Variants in DPP10 observed in about 807,000 individuals in gnomAD.
DPP10 encodes the protein inactive dipeptidyl peptidase 10.
In DPP10, 33 loss-of-function variants were observed where a neutral mutation model predicts 120.9. The observed-to-expected ratio is 0.27, with a 90% CI of 0.21 to 0.37. The LOEUF (loss-of-function observed/expected upper bound fraction) is 0.37. DPP10 is among the 10% of genes least tolerant of loss of function. The pLI is 1.00. For missense variants in DPP10, 816 were observed against 942.8 expected, an observed-to-expected ratio of 0.87 and a Z score of 1.76; for synonymous variants, 337 against 326.1, an observed-to-expected ratio of 1.03 and a Z score of -0.36.
intron 1 of DPP10, among the ~76,000 whole-genome samples, chr2:114,939,882 G>T (rs1052312286): frequency 1.3e-5 from 2 of 152,000 alleles, no homozygotes; most frequent in Non-Finnish European, 2.9e-5. Flanking sequence ...ATTTCAGTTT[G>T]TATATCTTAT....
chr2:114,684,432 G>A (rs925189628), intron 1 of DPP10, among the ~76,000 whole-genome samples: 2 of 151,914 alleles, frequency 1.3e-5, no homozygotes, highest in African/African-American at 2.4e-5. Flanking sequence ...GACAAAAGGG[G>A]AAAAAACAGG....
At chr2:114,501,821 C>T (rs548221078) in intron 1 of DPP10, among the ~76,000 whole-genome samples, 3 of 152,020 alleles carry the variant, frequency 2.0e-5, no homozygotes, top group African/African-American at 2.4e-5. Context: ...AGTACGTATT[C>T]AGTCCTAAAG....
intron 3 of DPP10, among the ~76,000 whole-genome samples, chr2:115,345,128 G>A (rs1026382292): frequency 6.6e-6 from 1 of 152,294 alleles, no homozygotes; most frequent in African/African-American, 2.4e-5. Context: ...TAATTGATGT[G>A]CAGTCTCATT....
intron 1 of DPP10, among the ~76,000 whole-genome samples, chr2:115,277,882 T>G (rs1326120256): frequency 6.6e-6 from 1 of 152,182 alleles, no homozygotes; most frequent in East Asian, 1.9e-4. Flanking sequence ...TTATCTAACT[T>G]CTACTGTTAA....
chr2:114,881,731 G>C (rs1189817540), intron 1 of DPP10, among the ~76,000 whole-genome samples: 3 of 152,088 alleles, frequency 2.0e-5, no homozygotes, highest in Non-Finnish European at 4.4e-5. Flanking sequence ...GGTCACATTA[G>C]ATTATAGAGA....
At chr2:115,592,600 A>C (rs201482951) in intron 5 of DPP10, among the ~76,000 whole-genome samples, 122 of 132,814 alleles carry the variant, frequency 9.2e-4, no homozygotes, top group Admixed American at 4.1e-3. Context: ...AAAAAAAAAA[A>C]CAAAAATTAG....
intron 1 of DPP10, among the ~76,000 whole-genome samples, chr2:114,824,709 A>C (rs952374057): frequency 6.6e-6 from 1 of 152,222 alleles, no homozygotes; most frequent in Non-Finnish European, 1.5e-5. Flanking sequence ...TGCTAGGAAG[A>C]ATCTAAAAAT....
At chr2:115,661,553 G>T in intron 5 of DPP10, among the ~76,000 whole-genome samples, 1 of 152,152 alleles carries the variant, frequency 6.6e-6, no homozygotes, top group East Asian at 1.9e-4. Flanking sequence ...TAGTCCTGAA[G>T]CAGGTAGACA....
chr2:115,380,659 A>C (rs1057446849), intron 3 of DPP10, among the ~76,000 whole-genome samples: 17 of 151,848 alleles, frequency 1.1e-4, no homozygotes, highest in Non-Finnish European at 2.4e-4. Flanking sequence ...GATGGTCTTT[A>C]CATTTTGGCA....
In DPP10 at chr2:114,910,772, C is replaced by T. The variant is rs1389068130; in HGVS notation, c.61-398467C>T. Among the ~76,000 whole-genome samples the T allele has an allele frequency of 2.0e-5, 3 of 152,174 alleles. No homozygotes were observed. The East Asian group carries it at 5.8e-4, about 29-fold the overall frequency. ...ATCTATCCTTTAAAATAAAATAGTT[C>T]ATGCTCAAAAAAATCCAGCACTATT... On this transcript the variant is annotated intron_variant, in intron 1 of 25. Transcript: ENST00000410059.
intron 1 of DPP10, among the ~76,000 whole-genome samples, chr2:114,534,591 A>T (rs1423960906): frequency 6.6e-6 from 1 of 152,162 alleles, no homozygotes; most frequent in Non-Finnish European, 1.5e-5. Context: ...ACTGTCTTGG[A>T]GATTAAACAG....
intron 1 of DPP10, among the ~76,000 whole-genome samples, chr2:115,148,325 A>C (rs2051344659): frequency 6.6e-6 from 1 of 152,188 alleles, no homozygotes. Context: ...ATACATATTT[A>C]CAAGCATGGA....
At chr2:115,728,795 A>G (rs1377833594) in intron 8 of DPP10, among the ~76,000 whole-genome samples, 1 of 152,184 alleles carries the variant, frequency 6.6e-6, no homozygotes, top group Non-Finnish European at 1.5e-5. Context: ...AAATGATATC[A>G]TTGAAGGCCT....
chr2:114,804,789 A>C (rs1288496757), intron 1 of DPP10, among the ~76,000 whole-genome samples: 2 of 152,202 alleles, frequency 1.3e-5, no homozygotes, highest in Non-Finnish European at 2.9e-5. Context: ...GTCTCAGATG[A>C]AACTTTGCAC....
intron 5 of DPP10, among the ~76,000 whole-genome samples, chr2:115,647,539 T>TA (rs150465058): frequency 2.6e-4 from 39 of 150,158 alleles, no homozygotes; most frequent in Admixed American, 7.3e-4. Context: ...TAGTACATGG[T>TA]AAAAAAAAAA....
chr2:114,948,349 A>T (rs1475265769), intron 1 of DPP10, among the ~76,000 whole-genome samples: 4 of 152,020 alleles, frequency 2.6e-5, no homozygotes, highest in African/African-American at 4.8e-5. Flanking sequence ...CTCTACAAAG[A>T]TAATTATTAT....
intron 7 of DPP10, among the ~76,000 whole-genome samples, chr2:115,716,364 T>A (rs1459816360): frequency 6.6e-6 from 1 of 152,198 alleles, no homozygotes; most frequent in African/African-American, 2.4e-5. Flanking sequence ...TGTGATGTAG[T>A]TATGTATACA....
chr2:115,814,520 C>A, intron 19 of DPP10: 1 of 230,360 alleles, frequency 4.3e-6, no homozygotes, highest in Admixed American at 5.7e-5. Context: ...TCATTTTTCC[C>A]CATTGAGAAA....
intron 1 of DPP10, among the ~76,000 whole-genome samples, chr2:114,472,423 G>T (rs1280572934): frequency 1.3e-5 from 2 of 152,212 alleles, no homozygotes. Context: ...CTTTAAGAGG[G>T]ATTCAAGGGC....
Sources: allele counts gnomAD v4.1 joint callset (sites outside exome capture counted in the v4.1 genomes callset), GRCh38; gene constraint gnomAD v4.1.1; transcripts MANE v1.5; gene names NCBI Gene and HGNC (gene_info 2026-07-23, HGNC 2026-07-21).